Variants in GRIN2A observed in about 807,000 individuals in gnomAD.
The protein encoded by GRIN2A is glutamate ionotropic receptor NMDA type subunit 2A, also known as glutamate receptor ionotropic, NMDA 2A.
GRIN2A carries 22 observed loss-of-function variants against 113.4 expected under a neutral mutation model. The observed-to-expected ratio is 0.19, with a 90% CI of 0.14 to 0.28. The LOEUF (loss-of-function observed/expected upper bound fraction) is 0.28, where lower values mean the gene tolerates loss of function less well. Ranked by LOEUF, GRIN2A falls within the 10% of genes least tolerant of loss-of-function variation. GRIN2A has a pLI of 1.00. For missense variants in GRIN2A, 1,502 were observed against 1,887.0 expected (o/e 0.80, Z 3.78); for synonymous variants, 827 against 738.4 (o/e 1.12, Z -1.94).
intron 2 of GRIN2A, among the ~76,000 whole-genome samples, chr16:10,082,734 C>G (rs1190221261): frequency 6.6e-6 from 1 of 152,188 alleles, no homozygotes; most frequent in African/African-American, 2.4e-5. Context: ...ATGGGTGTCA[C>G]CTGCTAAGTT....
chr16:9,812,998 C>T (rs1338511810), intron 10 of GRIN2A, among the ~76,000 whole-genome samples: 2 of 152,178 alleles, frequency 1.3e-5, no homozygotes, highest in Non-Finnish European at 2.9e-5. Flanking sequence ...TCAAAGCGTG[C>T]CTCAAACAGA....
intron 2 of GRIN2A, among the ~76,000 whole-genome samples, chr16:10,011,216 G>C (rs919883146): frequency 6.6e-6 from 1 of 152,174 alleles, no homozygotes; most frequent in Non-Finnish European, 1.5e-5. Context: ...GTTAAACTAA[G>C]TTTTTAATGC....
At chr16:9,882,234 T>G (rs889665007) in intron 4 of GRIN2A, among the ~76,000 whole-genome samples, 2 of 152,118 alleles carry the variant, frequency 1.3e-5, no homozygotes, top group Non-Finnish European at 2.9e-5. Flanking sequence ...GCTATAGCAT[T>G]CTATAATTAC....
intron 2 of GRIN2A, among the ~76,000 whole-genome samples, chr16:10,004,083 G>C (rs915049098): frequency 2.0e-5 from 3 of 151,994 alleles, no homozygotes; most frequent in Non-Finnish European, 4.4e-5. Flanking sequence ...AGAGGGTTGA[G>C]AACTCACAAA....
chr16:9,836,339 G>GT (rs1267277280), intron 7 of GRIN2A, among the ~76,000 whole-genome samples: 1 of 152,204 alleles, frequency 6.6e-6, no homozygotes. Context: ...TGAAAAGGGC[G>GT]TGCTGGTTTT....
intron 2 of GRIN2A, among the ~76,000 whole-genome samples, chr16:9,972,873 G>C (rs1411518454): frequency 6.6e-6 from 1 of 152,230 alleles, no homozygotes; most frequent in East Asian, 1.9e-4. Flanking sequence ...CAGGAGACCA[G>C]AGTTTTATTA....
chr16:10,072,589 C>T (rs2047777035), intron 2 of GRIN2A, among the ~76,000 whole-genome samples: 1 of 152,130 alleles, frequency 6.6e-6, no homozygotes, highest in Admixed American at 6.5e-5. Context: ...AACCACTGGA[C>T]TTAGCCTCTC....
At chr16:10,070,806 C>T (rs1375636628) in intron 2 of GRIN2A, among the ~76,000 whole-genome samples, 1 of 152,200 alleles carries the variant, frequency 6.6e-6, no homozygotes, top group Admixed American at 6.5e-5. Flanking sequence ...ACACGCAGAC[C>T]ATCTGGACCG....
intron 2 of GRIN2A, among the ~76,000 whole-genome samples, chr16:10,070,804 A>G (rs2047735184): frequency 6.6e-6 from 1 of 152,216 alleles, no homozygotes; most frequent in African/African-American, 2.4e-5. Context: ...TCACACGCAG[A>G]CCATCTGGAC....
intron 5 of GRIN2A, among the ~76,000 whole-genome samples, chr16:9,842,188 C>T (rs1026650487): frequency 3.3e-5 from 5 of 151,580 alleles, no homozygotes; most frequent in African/African-American, 1.2e-4. Flanking sequence ...GAGGCGGGGG[C>T]TGCAGTGAGC....
chr16:9,809,366 G>A (rs11649635), intron 10 of GRIN2A, among the ~76,000 whole-genome samples: 45,546 of 151,892 alleles, frequency 0.3, 7,217 homozygotes, highest in African/African-American at 0.39. Context: ...GGAGGCAGAG[G>A]TTGCAGTGAG....
At chr16:10,034,981 C>G (rs925842230) in intron 2 of GRIN2A, among the ~76,000 whole-genome samples, 12 of 152,186 alleles carry the variant, frequency 7.9e-5, no homozygotes, top group African/African-American at 2.4e-4. Flanking sequence ...CATCCTGGCT[C>G]ACAAATCCTT....
At chr16:9,839,946 G>A (rs372655457) in intron 7 of GRIN2A, among the ~76,000 whole-genome samples, 1 of 152,058 alleles carries the variant, frequency 6.6e-6, no homozygotes, top group African/African-American at 2.4e-5. Context: ...CCAACATGGC[G>A]AAACCCCATC....
At chr16:9,914,321 A>G (rs1355132075) in intron 3 of GRIN2A, among the ~76,000 whole-genome samples, 1 of 152,208 alleles carries the variant, frequency 6.6e-6, no homozygotes, top group Non-Finnish European at 1.5e-5. Context: ...ACCAACAAGA[A>G]AGGCAGACCT....
intron 2 of GRIN2A, chr16:10,111,353 T>G: frequency 4.8e-6 from 2 of 419,344 alleles, no homozygotes; most frequent in Admixed American, 3.6e-5. Context: ...CGCGCGGGTG[T>G]TTGTCGCTTC....
chr16:10,130,468 G>C (rs1286667212), intron 2 of GRIN2A, among the ~76,000 whole-genome samples: 1 of 152,192 alleles, frequency 6.6e-6, no homozygotes, highest in Non-Finnish European at 1.5e-5. Context: ...CCCCTGAGTA[G>C]GCAGATGGGT....
chr16:10,046,256 A>T (rs915269103), intron 2 of GRIN2A, among the ~76,000 whole-genome samples: 1 of 152,114 alleles, frequency 6.6e-6, no homozygotes, highest in Admixed American at 6.6e-5. Context: ...GGTTGCTGGC[A>T]TATCTAGATC....
At chr16:10,094,331 G>C (rs1055039577) in intron 2 of GRIN2A, among the ~76,000 whole-genome samples, 1 of 152,190 alleles carries the variant, frequency 6.6e-6, no homozygotes, top group Non-Finnish European at 1.5e-5. Flanking sequence ...GTGACTTTGA[G>C]CTGGTCATTC....
At chr16:9,868,650 G>A (rs943062487) in intron 4 of GRIN2A, among the ~76,000 whole-genome samples, 1 of 152,072 alleles carries the variant, frequency 6.6e-6, no homozygotes, top group African/African-American at 2.4e-5. Context: ...CACTGCAGCT[G>A]GAATCAAGTG....
Sources: allele counts gnomAD v4.1 joint callset (sites outside exome capture counted in the v4.1 genomes callset), GRCh38; gene constraint gnomAD v4.1.1; transcripts MANE v1.5; gene names NCBI Gene and HGNC (gene_info 2026-07-23, HGNC 2026-07-21).